Variants in VPS8 observed in about 807,000 individuals in gnomAD.
VPS8 encodes the protein VPS8 subunit of CORVET complex, also known as vacuolar protein sorting-associated protein 8 homolog.
VPS8 carries 129 observed loss-of-function variants against 216.4 expected under a neutral mutation model. That is an observed-to-expected ratio of 0.60 (90% CI 0.52 to 0.69). VPS8 has a LOEUF of 0.69. Among genes scored for constraint, VPS8 ranks in the 30% least tolerant of loss-of-function variants. VPS8 has a pLI of 0.00. For missense variants in VPS8, 1,531 were observed against 1,683.5 expected (o/e 0.91, Z 1.59); for synonymous variants, 571 against 565.4 (o/e 1.01, Z -0.14).
intron 1 of VPS8, chr3:184,816,376 CT>C (rs1716327904): frequency 1.3e-5 from 2 of 152,278 alleles, no homozygotes; most frequent in African/African-American, 4.8e-5. Flanking sequence ...GTCTTAGGCA[CT>C]GTTCCTTCCC....
At chr3:184,977,863 T>TA (rs1180080329) in intron 40 of VPS8, among the ~76,000 whole-genome samples, 1 of 148,208 alleles carries the variant, frequency 6.7e-6, no homozygotes, top group Non-Finnish European at 1.5e-5. Flanking sequence ...TCAGGAATAT[T>TA]AGCCTGATGT....
At chr3:184,860,373 G>A (rs987991515) in intron 15 of VPS8, among the ~76,000 whole-genome samples, 2 of 150,260 alleles carry the variant, frequency 1.3e-5, no homozygotes, top group Admixed American at 6.7e-5. Flanking sequence ...ATGTGTGTGT[G>A]TATATATATA....
chr3:184,885,826 C>T (rs1489666633), intron 21 of VPS8: 7 of 289,498 alleles, frequency 2.4e-5, no homozygotes, highest in Non-Finnish European at 4.5e-5. Flanking sequence ...CCCTTCCCCT[C>T]CTTCTTCTGC....
chr3:184,920,412 G>A (rs1345220272), intron 29 of VPS8, among the ~76,000 whole-genome samples: 4 of 152,076 alleles, frequency 2.6e-5, no homozygotes, highest in East Asian at 1.9e-4. Flanking sequence ...ACTGGGGACC[G>A]GAATAGAGGG....
At chr3:184,829,656 A>T (rs1371779758) in intron 3 of VPS8, among the ~76,000 whole-genome samples, 4 of 152,086 alleles carry the variant, frequency 2.6e-5, no homozygotes, top group Non-Finnish European at 5.9e-5. Context: ...AGTATATGAG[A>T]TTTCTGATTA....
At chr3:184,856,559 G>A (rs1725295810) in intron 14 of VPS8, among the ~76,000 whole-genome samples, 1 of 152,148 alleles carries the variant, frequency 6.6e-6, no homozygotes, top group African/African-American at 2.4e-5. Context: ...AAACTTACGA[G>A]TTACTTTTCA....
At chr3:184,812,796 A>G (rs1715430455) in intron 1 of VPS8, 2 of 152,368 alleles carry the variant, frequency 1.3e-5, no homozygotes, top group South Asian at 2.1e-4. Flanking sequence ...ACAGGTGTGT[A>G]GCCGGTCTGT....
chr3:184,973,028 C>G (rs1748677822), intron 40 of VPS8, among the ~76,000 whole-genome samples: 1 of 152,042 alleles, frequency 6.6e-6, no homozygotes, highest in African/African-American at 2.4e-5. Flanking sequence ...AAGTTTTTGT[C>G]CAGAATTTTT....
intron 4 of VPS8, 88 bp downstream of exon 4, chr3:184,832,907 G>A (rs1720298481): frequency 6.8e-7 from 1 of 1,460,294 alleles, no homozygotes; most frequent in Non-Finnish European, 9.2e-7. Flanking sequence ...AGTACAATAT[G>A]GTCTGTTGAA....
At chr3:184,816,643 G>A (rs1248417553) in intron 1 of VPS8, among the ~76,000 whole-genome samples, 2 of 152,196 alleles carry the variant, frequency 1.3e-5, no homozygotes, top group South Asian at 4.1e-4. Context: ...TGAAAATTGA[G>A]TACCCTCAAA....
At chr3:185,021,178 CA>C (rs1362575573) in intron 45 of VPS8, among the ~76,000 whole-genome samples, 1 of 152,166 alleles carries the variant, frequency 6.6e-6, no homozygotes, top group Non-Finnish European at 1.5e-5. Flanking sequence ...ACAAAGATCA[CA>C]AAAAGTTCAA....
rs548502448 is a variant in VPS8, at chr3:184,936,156, G to A, written c.2899-90G>A. 37 of 1,098,028 alleles carry A rather than the reference G, an allele frequency of 3.4e-5. 1 individual carries two copies. In the South Asian group the frequency reaches 4.6e-4, roughly 14 times the overall value. 68.0% of individuals were successfully genotyped at this position (1,098,028 alleles called of 1,614,324 possible). On this transcript the variant is annotated intron_variant, in intron 34 of 47. Coordinates refer to ENST00000625842, the MANE Select transcript of VPS8 (RefSeq NM_001009921.3). ...AAATGCAGCATGGAAGCTTGCGACT[G>A]TATTGAGGTAGGTAATCGTGCCTCA...
chr3:184,984,953 GA>G (rs557918237), intron 42 of VPS8, among the ~76,000 whole-genome samples: 1 of 152,070 alleles, frequency 6.6e-6, no homozygotes, highest in South Asian at 2.1e-4. Flanking sequence ...CTTGATATTT[GA>G]AAATCTTCAC....
intron 45 of VPS8, among the ~76,000 whole-genome samples, chr3:185,011,745 A>G (rs1268477173): frequency 6.6e-6 from 1 of 152,218 alleles, no homozygotes; most frequent in Non-Finnish European, 1.5e-5. Context: ...AATCCTAACA[A>G]AGCCAGAGCC....
chr3:184,869,368 T>C (rs1265425138), intron 19 of VPS8, 114 bp from the exon 20 acceptor site: 8 of 1,087,834 alleles, frequency 7.4e-6, no homozygotes, highest in Non-Finnish European at 1.1e-5. Context: ...TAGCTAAGAA[T>C]TGTTACAATT....
Position 185,019,406 on chromosome 3 carries a change from G to A in VPS8, c.4003-4930G>A, listed in dbSNP as rs547844743. Among the ~76,000 whole-genome samples the A allele has an allele frequency of 3.0e-4, 46 of 152,266 alleles. No individual in the cohort carries two copies. The South Asian group carries it at 8.9e-3, about 30-fold the overall frequency. On this transcript the variant is annotated intron_variant, in intron 45 of 47. Coordinates refer to ENST00000625842, the MANE Select transcript of VPS8 (RefSeq NM_001009921.3). ...GTGGAGTGGAAAATCAGGAGTCTCA[G>A]CCTTCAGAGCTGAGAGCCTCTAACA...
At chr3:184,941,322 AC>A (rs1302573070) in intron 36 of VPS8, among the ~76,000 whole-genome samples, 7 of 119,568 alleles carry the variant, frequency 5.9e-5, no homozygotes, top group African/African-American at 2.0e-4. Flanking sequence ...CTAAAAGCAG[AC>A]TGATTACAAA....
At chr3:185,029,844 G>A (rs144408362) in intron 46 of VPS8, among the ~76,000 whole-genome samples, 39 of 152,284 alleles carry the variant, frequency 2.6e-4, no homozygotes, top group African/African-American at 7.9e-4. Context: ...GATTACAGGC[G>A]TGAGCTACCA....
rs551536800 is a variant in VPS8 at position 184,886,438 on chromosome 3, A to G, written c.1781+282A>G. 2.0e-5 allele frequency among the ~76,000 whole-genome samples: 3 copies of G among 152,128 alleles called. No homozygotes were observed. In the East Asian group the frequency reaches 5.8e-4, roughly 29 times the overall value. ...TACTACTTAGGGGTTTTAAAAGTAAAAAGTGTATGATTCATTATATGTATA... is the reference window on the plus strand; with the variant it reads ...TACTACTTAGGGGTTTTAAAAGTAAGAAGTGTATGATTCATTATATGTATA... On this transcript the variant is annotated intron_variant, in intron 22 of 47. Coordinates refer to ENST00000625842, the MANE Select transcript of VPS8 (RefSeq NM_001009921.3).
Sources: allele counts gnomAD v4.1 joint callset (sites outside exome capture counted in the v4.1 genomes callset), GRCh38; gene constraint gnomAD v4.1.1; transcripts MANE v1.5; gene names NCBI Gene and HGNC (gene_info 2026-07-23, HGNC 2026-07-21).